Variants in FNDC3B observed in about 807,000 individuals in gnomAD.
FNDC3B encodes fibronectin type III domain-containing protein 3B.
Under a neutral mutation model 151.5 loss-of-function variants are expected in FNDC3B, and 12 were observed. The observed-to-expected ratio is 0.08, with a 90% CI of 0.05 to 0.13. The LOEUF (loss-of-function observed/expected upper bound fraction) is 0.13. Ranked by LOEUF, FNDC3B falls within the 10% of genes least tolerant of loss-of-function variation. The pLI, the probability that FNDC3B is intolerant of heterozygous loss-of-function variation, is 1.00. For missense variants in FNDC3B, 1,214 were observed against 1,505.3 expected (o/e 0.81, Z 3.20); for synonymous variants, 528 against 549.0 (o/e 0.96, Z 0.54).
chr3:172,109,975 G>A (rs1177876727), intron 1 of FNDC3B, among the ~76,000 whole-genome samples: 1 of 152,198 alleles, frequency 6.6e-6, no homozygotes, highest in African/African-American at 2.4e-5. Flanking sequence ...GTGGGCCTGG[G>A]TCTGGGGGAT....
At chr3:172,289,840 G>A (rs141652847) in intron 7 of FNDC3B, among the ~76,000 whole-genome samples, 2 of 152,184 alleles carry the variant, frequency 1.3e-5, no homozygotes, top group Non-Finnish European at 2.9e-5. Context: ...ACTTGCATTG[G>A]CTGTTACCTG....
intron 3 of FNDC3B, among the ~76,000 whole-genome samples, chr3:172,151,095 G>T (rs1244120878): frequency 2.0e-5 from 3 of 152,136 alleles, no homozygotes; most frequent in Non-Finnish European, 4.4e-5. Flanking sequence ...TTACATACAA[G>T]TCATAATCTT....
At chr3:172,169,151 C>T (rs557544880) in intron 3 of FNDC3B, among the ~76,000 whole-genome samples, 1 of 152,204 alleles carries the variant, frequency 6.6e-6, no homozygotes, top group South Asian at 2.1e-4. Context: ...TGAGGTTCTT[C>T]ACCAGCAAGC....
intron 1 of FNDC3B, among the ~76,000 whole-genome samples, chr3:172,052,002 A>C (rs768986563): frequency 6.6e-6 from 1 of 151,990 alleles, no homozygotes; most frequent in Non-Finnish European, 1.5e-5. Flanking sequence ...AGTTAAGGGA[A>C]TTATTTTTTA....
At chr3:172,099,863 TTA>T (rs1719294460) in intron 1 of FNDC3B, among the ~76,000 whole-genome samples, 1 of 152,226 alleles carries the variant, frequency 6.6e-6, no homozygotes, top group African/African-American at 2.4e-5. Flanking sequence ...TCTGTTTTTT[TTA>T]TGTTTTTACG....
chr3:172,370,677 C>G (rs138660198), intron 23 of FNDC3B, among the ~76,000 whole-genome samples: 181 of 152,330 alleles, frequency 1.2e-3, no homozygotes, highest in African/African-American at 4.1e-3. Context: ...TCTTTTTGCT[C>G]TTGAAAGCTT....
chr3:172,348,752 T>C (rs1031975678), intron 21 of FNDC3B, among the ~76,000 whole-genome samples: 1 of 152,194 alleles, frequency 6.6e-6, no homozygotes, highest in African/African-American at 2.4e-5. Flanking sequence ...CTCGTTGTAT[T>C]AACAGGAGTA....
At position 172,347,366 on chromosome 3, in the gene FNDC3B, G is replaced by T; in HGVS notation, c.2514+5G>T. The T allele has an allele frequency of 6.2e-7, 1 of 1,609,288 alleles. No homozygotes were observed. Among genetic ancestry groups the T allele is most frequent in the South Asian group, 1.1e-5 (1 of 90,134 alleles). ...CAGTATTGCTGTAGACTACAGGTAG[G>T]TTGACATTATTCAGATGTTACTCAC... On this transcript the variant is annotated splice_donor_5th_base_variant and intron_variant, in intron 21 of 25. Transcript: ENST00000415807.
intron 7 of FNDC3B, among the ~76,000 whole-genome samples, chr3:172,291,272 G>C (rs913149188): frequency 2.6e-5 from 4 of 152,138 alleles, no homozygotes; most frequent in African/African-American, 7.2e-5. Flanking sequence ...ATAAATAGAC[G>C]AGTGATTTCT....
chr3:172,156,238 T>A (rs774931097), intron 3 of FNDC3B, among the ~76,000 whole-genome samples: 4 of 152,240 alleles, frequency 2.6e-5, no homozygotes, highest in Non-Finnish European at 4.4e-5. Flanking sequence ...TGTTTTGCCA[T>A]CATCAATTGC....
At chr3:172,231,570 G>T (rs577101966) in intron 4 of FNDC3B, among the ~76,000 whole-genome samples, 4 of 152,282 alleles carry the variant, frequency 2.6e-5, no homozygotes, top group Non-Finnish European at 5.9e-5. Context: ...TGGTGGTGAT[G>T]GTGATGGTAA....
intron 5 of FNDC3B, among the ~76,000 whole-genome samples, 180 bp downstream of exon 5, chr3:172,247,956 T>C (rs1009597337): frequency 1.4e-4 from 21 of 152,168 alleles, no homozygotes; most frequent in Middle Eastern, 3.2e-3. Flanking sequence ...AAAAATTACT[T>C]TGTGGGTTTA....
At chr3:172,244,305 A>G (rs866196219) in intron 4 of FNDC3B, among the ~76,000 whole-genome samples, 20 of 151,772 alleles carry the variant, frequency 1.3e-4, no homozygotes, top group African/African-American at 4.6e-4. Context: ...ATGAAGGCAT[A>G]TTTTTTTTGC....
intron 2 of FNDC3B, among the ~76,000 whole-genome samples, chr3:172,130,526 G>A (rs914347642): frequency 6.6e-6 from 1 of 151,992 alleles, no homozygotes; most frequent in Non-Finnish European, 1.5e-5. Context: ...TCAGTAAGCA[G>A]GGGGGGAAGG....
chr3:172,188,956 C>T (rs937523800), intron 3 of FNDC3B, among the ~76,000 whole-genome samples: 1 of 152,144 alleles, frequency 6.6e-6, no homozygotes, highest in Admixed American at 6.5e-5. Context: ...ATTGTTTTAT[C>T]CTTGCTTGGG....
chr3:172,164,964 T>C (rs1011753501), intron 3 of FNDC3B, among the ~76,000 whole-genome samples: 5 of 152,234 alleles, frequency 3.3e-5, no homozygotes, highest in African/African-American at 1.2e-4. Context: ...CGTGCTCACC[T>C]TACTCTTAAG....
chr3:172,331,828 C>T (rs1159557052), intron 13 of FNDC3B, among the ~76,000 whole-genome samples: 1 of 152,196 alleles, frequency 6.6e-6, no homozygotes, highest in East Asian at 1.9e-4. Context: ...CCTGATCACA[C>T]TGTAGAACAG....
At chr3:172,284,471 G>C (rs1729904932) in intron 6 of FNDC3B, among the ~76,000 whole-genome samples, 1 of 152,100 alleles carries the variant, frequency 6.6e-6, no homozygotes, top group African/African-American at 2.4e-5. Flanking sequence ...GTTCTTTTCA[G>C]ATTTTGATAA....
intron 23 of FNDC3B, among the ~76,000 whole-genome samples, chr3:172,363,070 T>C (rs681632): frequency 0.43 from 65,421 of 151,894 alleles, 16,034 homozygotes; most frequent in Non-Finnish European, 0.57. Flanking sequence ...TAGCATAATA[T>C]GCACTTTTTT....
Sources: gnomAD v4.1 joint callset for allele counts (sites outside exome capture counted in the v4.1 genomes callset) on GRCh38, gnomAD v4.1.1 for gene constraint, MANE v1.5 for transcripts, NCBI Gene and HGNC (gene_info 2026-07-23, HGNC 2026-07-21) for gene names.